Variants in TSEN15 observed in about 807,000 individuals in gnomAD.
The protein encoded by TSEN15 is tRNA splicing endonuclease subunit 15, also known as tRNA-splicing endonuclease subunit Sen15.
A neutral mutation model predicts 20.5 loss-of-function variants in TSEN15; 10 were observed. The ratio of observed to expected loss-of-function variants is 0.49; its 90% CI spans 0.30 to 0.83. TSEN15 has a LOEUF of 0.83. TSEN15 is among the 40% of genes least tolerant of loss of function. The probability of loss-of-function intolerance (pLI) is 0.06; values close to 1 mark genes in which losing one functional copy is unlikely to be tolerated. For missense variants in TSEN15, 180 were observed against 218.6 expected, an observed-to-expected ratio of 0.82 and a Z score of 1.11; for synonymous variants, 72 against 80.1, an observed-to-expected ratio of 0.90 and a Z score of 0.54.
intron 3 of TSEN15, chr1:184,093,766 A>G (rs1651399333): frequency 6.6e-6 from 1 of 152,234 alleles, no homozygotes; most frequent in African/African-American, 2.4e-5. Context: ...TATAGTAATT[A>G]GAGCAGAGTC....
Position 184,054,630 on chromosome 1 carries a change from C to T in TSEN15, c.218-98C>T, listed in dbSNP as rs137965743. 2,796 of 1,393,864 alleles carry T rather than the reference C, an allele frequency of 2.0e-3. 29 individuals carry two copies. Among genetic ancestry groups the T allele is most frequent in the South Asian group, 0.015 (1,066 of 72,598 alleles). 86.3% of individuals were successfully genotyped at this position (1,393,864 alleles called of 1,614,324 possible). On this transcript the variant is annotated intron_variant, in intron 2 of 4. Coordinates refer to ENST00000645668, the MANE Select transcript of TSEN15 (RefSeq NM_052965.4). ...AAAGCAAAGACAGGAGGTAGTGTTA[C>T]GAGTGATATTTGCTCAGCTGAGTAT...
intron 3 of TSEN15, among the ~76,000 whole-genome samples, chr1:184,081,832 AAAG>A (rs1448834557): frequency 6.6e-6 from 1 of 152,140 alleles, no homozygotes; most frequent in Admixed American, 6.5e-5. Context: ...TGGAGATCAG[AAAG>A]AAGATCTTGT....
In TSEN15 at chr1:184,072,905, G is replaced by T. The variant is rs748700862; in HGVS notation, c.*58G>T. 1.1e-5 allele frequency: 17 copies of T among 1,521,430 alleles called. No homozygotes were observed. Among genetic ancestry groups the T allele is most frequent in the Non-Finnish European group, 1.4e-5 (16 of 1,114,564 alleles). 94.2% of individuals were successfully genotyped at this position (1,521,430 alleles called of 1,614,324 possible). A position where few individuals can be genotyped will look rare whatever the true frequency, so the allele number is the denominator to read the frequency against. ...ACAAGATTGGATTTGAGACCCATCA[G>T]ACTGCTTCATCTTTTATCTCAGAAA... On this transcript the variant is annotated 3_prime_UTR_variant, in exon 5 of 5. Transcript: ENST00000645668.
At position 184,070,601 on chromosome 1, in the gene TSEN15, T is replaced by A. The variant is rs56239295; in HGVS notation, c.354-1556T>A. ...GCCTATAAAAATGTATCTTTTTCTA[T>A]TATTATTAATTTAGATATTGGCGTG... is the stretch of plus-strand genomic sequence containing the variant. On this transcript the variant is annotated intron_variant, in intron 3 of 4. Coordinates refer to ENST00000645668, the MANE Select transcript of TSEN15 (RefSeq NM_052965.4). 128,386 of 1,144,994 alleles carry A rather than the reference T, an allele frequency of 0.11. 9,610 individuals are homozygous for A. The highest frequency in any genetic ancestry group is 0.31 in the African/African-American group (19,038 of 61,848). The allele number at this position is 1,144,994 out of a possible 1,614,324, so 70.9% of individuals were successfully genotyped here. A position where few individuals can be genotyped will look rare whatever the true frequency, so the allele number is the denominator to read the frequency against.
intron 3 of TSEN15, chr1:184,094,956 A>G (rs543239573): frequency 1.5e-4 from 60 of 398,576 alleles, no homozygotes; most frequent in African/African-American, 1.0e-3. Flanking sequence ...GTAGCACCAA[A>G]CACGGACCCA....
In TSEN15 at chr1:184,095,241, AT is replaced by A. The variant is rs921924533; in HGVS notation, c.354-446del. The A allele has an allele frequency of 5.0e-5, 20 of 396,700 alleles. 1 individual carries two copies. Among genetic ancestry groups the A allele is most frequent in the East Asian group, 3.6e-4 (10 of 28,000 alleles). The allele number at this position is 396,700 out of a possible 1,614,324, so 24.6% of individuals were successfully genotyped here. A position where few individuals can be genotyped will look rare whatever the true frequency, so the allele number is the denominator to read the frequency against. Reference sequence around the variant, plus strand: ...TGACACTGCTATGAGCAACCCCCATATTTATGCAGATGAGTGCTCCATAACT... The same window carrying A: ...TGACACTGCTATGAGCAACCCCCATATTATGCAGATGAGTGCTCCATAACT... On this transcript the variant is annotated intron_variant, in intron 3 of 3. Transcript: ENST00000643231.
At chr1:184,056,890 G>A (rs950116865) in intron 3 of TSEN15, among the ~76,000 whole-genome samples, 5 of 152,096 alleles carry the variant, frequency 3.3e-5, no homozygotes, top group East Asian at 1.9e-4. Context: ...TGCTTGGTAA[G>A]AAGTCTTGGT....
intron 3 of TSEN15, chr1:184,094,828 A>C (rs1651420723): frequency 2.6e-6 from 1 of 388,688 alleles, no homozygotes; most frequent in Non-Finnish European, 4.5e-6. Context: ...TCTGGACAGT[A>C]GGGTAGGGGA....
At chr1:184,068,714 GCTT>G (rs1172860825) in intron 3 of TSEN15, among the ~76,000 whole-genome samples, 2 of 152,094 alleles carry the variant, frequency 1.3e-5, no homozygotes, top group African/African-American at 4.8e-5. Flanking sequence ...GATGAATAAG[GCTT>G]CTTTGGTGCC....
chr1:184,058,614 A>T (rs1650334223), intron 3 of TSEN15, among the ~76,000 whole-genome samples: 1 of 152,028 alleles, frequency 6.6e-6, no homozygotes, highest in Non-Finnish European at 1.5e-5. Context: ...CCAGCCTTTC[A>T]TAGTTAATGT....
chr1:184,068,268 C>T (rs1650761559), intron 3 of TSEN15, among the ~76,000 whole-genome samples: 1 of 152,006 alleles, frequency 6.6e-6, no homozygotes, highest in Admixed American at 6.6e-5. Flanking sequence ...TCTTGAAGGA[C>T]CGTCCATTAT....
intron 3 of TSEN15, among the ~76,000 whole-genome samples, chr1:184,063,171 C>T (rs12734950): frequency 0.11 from 15,982 of 152,058 alleles, 1,000 homozygotes; most frequent in Admixed American, 0.2. Flanking sequence ...GTTATTGTTT[C>T]GTGGCAGTTG....
chr1:184,083,744 T>C (rs1651210701), intron 3 of TSEN15, among the ~76,000 whole-genome samples: 1 of 152,212 alleles, frequency 6.6e-6, no homozygotes, highest in Admixed American at 6.5e-5. Context: ...TAGATATAAA[T>C]GAATAGAATT....
At chr1:184,082,835 C>A (rs1157689246) in intron 3 of TSEN15, among the ~76,000 whole-genome samples, 1 of 152,116 alleles carries the variant, frequency 6.6e-6, no homozygotes, top group Non-Finnish European at 1.5e-5. Flanking sequence ...AGAATTTGCT[C>A]TTTTTGTTCT....
intron 3 of TSEN15, among the ~76,000 whole-genome samples, chr1:184,066,632 C>G (rs1405809368): frequency 2.6e-5 from 4 of 152,148 alleles, no homozygotes; most frequent in Non-Finnish European, 5.9e-5. Flanking sequence ...TCTCAAACTC[C>G]TAACCTCAAG....
chr1:184,064,455 GAGA>G (rs538906618), intron 3 of TSEN15, among the ~76,000 whole-genome samples: 2 of 152,074 alleles, frequency 1.3e-5, no homozygotes, highest in African/African-American at 2.4e-5. Flanking sequence ...GGCATGGGTG[GAGA>G]AGGAGTGAGT....
chr1:184,060,024 A>T lies in TSEN15; in HGVS notation c.353+5161A>T, dbSNP rs186171405. On this transcript the variant is annotated intron_variant, in intron 3 of 4. Transcript: ENST00000645668. ...GGTTAATTTAGAATTAGCTTCTGTG[A>T]TTTCAGAAAAAAAATCCCAATGGGA... Among the ~76,000 whole-genome samples the T allele has an allele frequency of 1.8e-3, 270 of 152,302 alleles. 2 individuals are homozygous for T. The highest frequency in any genetic ancestry group is 6.1e-3 in the African/African-American group (254 of 41,530).
chr1:184,068,381 A>C (rs948117743), intron 3 of TSEN15, among the ~76,000 whole-genome samples: 11 of 152,176 alleles, frequency 7.2e-5, no homozygotes, highest in Non-Finnish European at 1.3e-4. Context: ...AAGTCTCATA[A>C]TTGCAAAATG....
chr1:184,052,794 T>C (rs1190720571), intron 1 of TSEN15, among the ~76,000 whole-genome samples: 1 of 152,168 alleles, frequency 6.6e-6, no homozygotes, highest in African/African-American at 2.4e-5. Flanking sequence ...AGTGCCCTTT[T>C]AGGGAAACAA....
Sources: allele counts gnomAD v4.1 joint callset (sites outside exome capture counted in the v4.1 genomes callset), GRCh38; gene constraint gnomAD v4.1.1; transcripts MANE v1.5; gene names NCBI Gene and HGNC (gene_info 2026-07-23, HGNC 2026-07-21).